PDE8B: variants seen among roughly 807,000 people sequenced by gnomAD.
PDE8B encodes high affinity cAMP-specific and IBMX-insensitive 3',5'-cyclic phosphodiesterase 8B.
In PDE8B, 26 loss-of-function variants were observed where a neutral mutation model predicts 101.3. That is an observed-to-expected ratio of 0.26 (90% CI 0.19 to 0.36). The LOEUF (loss-of-function observed/expected upper bound fraction) is 0.36. Among genes scored for constraint, PDE8B ranks in the 10% least tolerant of loss-of-function variants. The pLI, the probability that PDE8B is intolerant of heterozygous loss-of-function variation, is 1.00. For missense variants in PDE8B, 810 were observed against 1,163.1 expected (o/e 0.70, Z 4.42); for synonymous variants, 424 against 429.3 (o/e 0.99, Z 0.15).
the PDE8B span, among the ~76,000 whole-genome samples, chr5:77,178,093 G>A: frequency 6.6e-6 from 1 of 152,172 alleles, no homozygotes; most frequent in Admixed American, 6.5e-5. Flanking sequence ...GTAAGCAGAC[G>A]TCCTCCTAGT....
At chr5:77,310,866 G>A (rs1267585056) in intron 1 of PDE8B, among the ~76,000 whole-genome samples, 1 of 152,188 alleles carries the variant, frequency 6.6e-6, no homozygotes, top group East Asian at 1.9e-4. Context: ...GCTTTGGAGA[G>A]TGTTCATAGC....
intron 1 of PDE8B, among the ~76,000 whole-genome samples, chr5:77,286,284 T>C (rs1371630568): frequency 1.3e-5 from 2 of 152,228 alleles, no homozygotes; most frequent in African/African-American, 4.8e-5. Flanking sequence ...ATCTTCCCTG[T>C]GCATGAACAG....
intron 2 of PDE8B, among the ~76,000 whole-genome samples, chr5:77,314,000 AC>A (rs1773258488): frequency 6.6e-6 from 1 of 152,174 alleles, no homozygotes; most frequent in Non-Finnish European, 1.5e-5. Context: ...AAGGTTGTAA[AC>A]ATTTACTTCT....
At chr5:77,158,759 T>C in the PDE8B span, among the ~76,000 whole-genome samples, 1 of 152,168 alleles carries the variant, frequency 6.6e-6, no homozygotes, top group Admixed American at 6.5e-5. Flanking sequence ...CCTCAGTCTT[T>C]CTTCTCACAC....
rs757283676 is a variant in PDE8B, at chr5:77,210,937, C to T, written c.12C>T (p.Ala4=). Residue 4 remains alanine (A), a synonymous_variant, in exon 1 of 22, where the codon GCC becomes GCT. Transcript: ENST00000264917. This position sits in a 1 kb window ranked among gnomAD's most constrained non-coding sequence, Gnocchi z 4.9. MGC[A]PSIHVSQSGV... is the part of the protein sequence containing the mutation. ...AGCCCGGCCGAGGGATGGGCTGCGC[C>T]CCCAGCATCCATGTCTCGCAGAGCG... The T allele has an allele frequency of 1.3e-6, 2 of 1,494,824 alleles. No homozygotes were observed. Among genetic ancestry groups the T allele is most frequent in the South Asian group, 2.5e-5 (2 of 79,132 alleles). 92.6% of individuals were successfully genotyped at this position (1,494,824 alleles called of 1,614,324 possible). A position where few individuals can be genotyped will look rare whatever the true frequency, so the allele number is the denominator to read the frequency against.
intron 1 of PDE8B, among the ~76,000 whole-genome samples, chr5:77,300,139 A>C (rs1769582883): frequency 6.6e-6 from 1 of 152,196 alleles, no homozygotes; most frequent in Admixed American, 6.5e-5. Flanking sequence ...CCTGAGGCTC[A>C]TCAAAATGAG....
At chr5:77,096,719 G>A in the PDE8B span, among the ~76,000 whole-genome samples, 1,068 of 152,276 alleles carry the variant, frequency 7.0e-3, 10 homozygotes, top group Middle Eastern at 0.014. Context: ...GCAGTACCTC[G>A]TGTTCCTCGG....
chr5:77,292,481 C>T (rs1218979045), intron 1 of PDE8B, among the ~76,000 whole-genome samples: 3 of 152,150 alleles, frequency 2.0e-5, no homozygotes, highest in African/African-American at 7.2e-5. Context: ...AGACAGTGTT[C>T]CTCTCCCTCT....
intron 10 of PDE8B, among the ~76,000 whole-genome samples, chr5:77,390,881 T>C (rs1249778747): frequency 6.6e-6 from 1 of 152,202 alleles, no homozygotes; most frequent in Admixed American, 6.5e-5. Context: ...GCAAGTTTCT[T>C]AACCTCTTAA....
chr5:77,378,099 G>A (rs947882740), intron 10 of PDE8B, among the ~76,000 whole-genome samples: 7 of 150,986 alleles, frequency 4.6e-5, no homozygotes, highest in African/African-American at 1.5e-4. Flanking sequence ...GGTGTTGGTC[G>A]CCATTTACCA....
At chr5:77,162,765 T>A in the PDE8B span, among the ~76,000 whole-genome samples, 11 of 152,194 alleles carry the variant, frequency 7.2e-5, no homozygotes, top group African/African-American at 2.4e-4. Flanking sequence ...AATCTAATAA[T>A]CCGTGGCCCT....
chr5:77,191,513 T>C, the PDE8B span, among the ~76,000 whole-genome samples: 2 of 151,940 alleles, frequency 1.3e-5, no homozygotes, highest in Non-Finnish European at 2.9e-5. Flanking sequence ...CCACCACACC[T>C]GGCTAATTTT....
rs1798234145 is a variant in PDE8B at position 77,426,883 on chromosome 5, G to A, written c.*329G>A. On this transcript the variant is annotated 3_prime_UTR_variant, in exon 22 of 22. Transcript: ENST00000264917. Reference sequence around the variant, plus strand: ...CACAGGAAGCAAAGCCTTGGTGCCTGTGAGCTCATCTCCCAGGATGGTGAC... The same window carrying A: ...CACAGGAAGCAAAGCCTTGGTGCCTATGAGCTCATCTCCCAGGATGGTGAC... 1 of 349,588 alleles carries A rather than the reference G, an allele frequency of 2.9e-6. No homozygotes were observed. The highest frequency in any genetic ancestry group is 5.5e-6 in the Non-Finnish European group (1 of 182,362). The allele number at this position is 349,588 out of a possible 1,614,324, so 21.7% of individuals were successfully genotyped here. A position where few individuals can be genotyped will look rare whatever the true frequency, so the allele number is the denominator to read the frequency against.
At chr5:77,230,405 G>C (rs979847609) in intron 1 of PDE8B, among the ~76,000 whole-genome samples, 1 of 152,162 alleles carries the variant, frequency 6.6e-6, no homozygotes, top group Admixed American at 6.5e-5. Context: ...CCCCTGTGGG[G>C]CCCTATCCCA....
intron 10 of PDE8B, among the ~76,000 whole-genome samples, chr5:77,360,034 C>T (rs910057878): frequency 1.3e-5 from 2 of 149,094 alleles, no homozygotes; most frequent in African/African-American, 5.0e-5. Context: ...GAGGTTGTAG[C>T]AAGCCAAGAT....
chr5:77,222,254 C>G (rs1217722400), intron 1 of PDE8B, among the ~76,000 whole-genome samples: 5 of 152,098 alleles, frequency 3.3e-5, no homozygotes, highest in Non-Finnish European at 7.3e-5. Flanking sequence ...TGTAAACCCG[C>G]TAGGTTCTCA....
At chr5:77,329,981 C>T (rs1776814101) in intron 4 of PDE8B, among the ~76,000 whole-genome samples, 1 of 152,144 alleles carries the variant, frequency 6.6e-6, no homozygotes, top group Admixed American at 6.5e-5. Context: ...GAGTGTCTCC[C>T]TAGGGGCTAT....
the PDE8B span, among the ~76,000 whole-genome samples, chr5:77,175,024 A>T: frequency 2.6e-5 from 4 of 152,174 alleles, no homozygotes; most frequent in East Asian, 1.9e-4. Context: ...CTGCCCACCC[A>T]TTAGCTCAGG....
intron 1 of PDE8B, among the ~76,000 whole-genome samples, chr5:77,259,416 G>T (rs922213462): frequency 2.6e-5 from 4 of 152,126 alleles, no homozygotes; most frequent in Non-Finnish European, 4.4e-5. Context: ...CATCTCTGTG[G>T]TACATGCCCC....
Sources: allele counts gnomAD v4.1 joint callset (sites outside exome capture counted in the v4.1 genomes callset), GRCh38; gene constraint gnomAD v4.1.1; non-coding constraint Gnocchi (gnomAD v3.1); transcripts MANE v1.5; gene names NCBI Gene and HGNC (gene_info 2026-07-23, HGNC 2026-07-21).